Variants in SERGEF observed in about 807,000 individuals in gnomAD.
The protein encoded by SERGEF is secretion-regulating guanine nucleotide exchange factor.
Under a neutral mutation model 50.0 loss-of-function variants are expected in SERGEF, and 51 were observed. That is an observed-to-expected ratio of 1.02 (90% CI 0.81 to 1.29). The LOEUF (loss-of-function observed/expected upper bound fraction) is 1.29. SERGEF is among the 50% of genes most tolerant of loss of function. The probability of loss-of-function intolerance (pLI) is 0.00; values close to 1 mark genes in which losing one functional copy is unlikely to be tolerated. For synonymous variants in SERGEF, 205 were observed against 212.4 expected, an observed-to-expected ratio of 0.97 and a Z score of 0.30; for missense variants, 521 against 557.0, an observed-to-expected ratio of 0.94 and a Z score of 0.65.
chr11:17,814,657 A>G (rs1004017783), intron 10 of SERGEF, among the ~76,000 whole-genome samples: 5 of 152,220 alleles, frequency 3.3e-5, no homozygotes, highest in African/African-American at 4.8e-5. Flanking sequence ...TTGTTTGCAC[A>G]TGAGGAAACC....
chr11:17,907,687 C>G (rs1851875221), intron 9 of SERGEF, among the ~76,000 whole-genome samples: 1 of 152,170 alleles, frequency 6.6e-6, no homozygotes, highest in African/African-American at 2.4e-5. Flanking sequence ...ATCAAATTGT[C>G]ACTCAGGTTT....
intron 10 of SERGEF, among the ~76,000 whole-genome samples, chr11:17,800,060 A>G (rs1008059708): frequency 6.6e-6 from 1 of 152,202 alleles, no homozygotes; most frequent in Admixed American, 6.5e-5. Context: ...CTAAACAGTA[A>G]AATTTTATTA....
chr11:17,852,938 A>C (rs1850739990), intron 10 of SERGEF, among the ~76,000 whole-genome samples: 1 of 152,206 alleles, frequency 6.6e-6, no homozygotes. Flanking sequence ...GAGAACTATC[A>C]GAGAAAGAAC....
chr11:17,863,774 A>C (rs950380154), intron 10 of SERGEF: 3 of 152,278 alleles, frequency 2.0e-5, no homozygotes, highest in Non-Finnish European at 4.4e-5. Context: ...ATCATCAGAC[A>C]CTAGTAAGCT....
chr11:17,984,422 T>A (rs1427995602), intron 8 of SERGEF, among the ~76,000 whole-genome samples: 1 of 152,126 alleles, frequency 6.6e-6, no homozygotes, highest in Non-Finnish European at 1.5e-5. Flanking sequence ...CCAGATCTCA[T>A]GAGAACTCAC....
chr11:17,874,219 C>T (rs2133894851), intron 10 of SERGEF: 1 of 152,308 alleles, frequency 6.6e-6, no homozygotes, highest in African/African-American at 2.4e-5. Flanking sequence ...ACTTGACATA[C>T]CTATGCCATT....
chr11:17,918,625 G>C (rs922848674), intron 9 of SERGEF: 712 of 308,112 alleles, frequency 2.3e-3, no homozygotes, highest in East Asian at 5.3e-3. Flanking sequence ...AGCAGGAACA[G>C]ACACACACAC....
At chr11:17,797,003 G>A (rs10832860) in intron 10 of SERGEF, among the ~76,000 whole-genome samples, 63,013 of 151,976 alleles carry the variant, frequency 0.41, 14,361 homozygotes, top group East Asian at 0.72. Context: ...GGAGGCTGTG[G>A]CTGTCCACCA....
intron 9 of SERGEF, among the ~76,000 whole-genome samples, chr11:17,943,171 C>T (rs1158652940): frequency 6.6e-6 from 1 of 152,058 alleles, no homozygotes; most frequent in Non-Finnish European, 1.5e-5. Context: ...ACTTAAATAT[C>T]TGATAAAGTT....
intron 10 of SERGEF, among the ~76,000 whole-genome samples, chr11:17,868,270 C>T (rs1048144997): frequency 3.9e-5 from 6 of 152,136 alleles, no homozygotes; most frequent in African/African-American, 1.4e-4. Flanking sequence ...AAATTTCTTC[C>T]ACCACATACC....
intron 6 of SERGEF, among the ~76,000 whole-genome samples, chr11:17,994,666 C>T (rs536589357): frequency 6.6e-6 from 1 of 152,150 alleles, no homozygotes; most frequent in Non-Finnish European, 1.5e-5. Flanking sequence ...TTACATTATA[C>T]ATGTTTCTAA....
At chr11:17,799,506 C>T (rs1484577066) in intron 10 of SERGEF, among the ~76,000 whole-genome samples, 1 of 152,164 alleles carries the variant, frequency 6.6e-6, no homozygotes, top group African/African-American at 2.4e-5. Flanking sequence ...GAATGGATGC[C>T]ATTCTGGGAC....
chr11:18,004,102 C>T lies in SERGEF; in HGVS notation c.447+339G>A, dbSNP rs914193082. On this transcript the variant is annotated intron_variant, in intron 4 of 10. Coordinates refer to ENST00000265965, the MANE Select transcript of SERGEF (RefSeq NM_012139.4). ...ACCATTTGCCTAGCTTAGTGTCTTT[C>T]GACAAATCACTTCTATCTGGACCTA... Among the ~76,000 whole-genome samples the T allele has an allele frequency of 4.6e-5, 7 of 152,148 alleles. No homozygotes were observed. In the South Asian group the frequency reaches 6.2e-4, roughly 14 times the overall value.
intron 8 of SERGEF, among the ~76,000 whole-genome samples, chr11:17,976,464 T>C: frequency 6.7e-6 from 1 of 148,516 alleles, no homozygotes; most frequent in African/African-American, 2.5e-5. Context: ...TTCATTTTTT[T>C]TTTTTTTTTT....
At chr11:17,883,833 T>C (rs1447957408) in intron 9 of SERGEF, among the ~76,000 whole-genome samples, 1 of 152,128 alleles carries the variant, frequency 6.6e-6, no homozygotes, top group East Asian at 1.9e-4. Flanking sequence ...GGATATTTCT[T>C]AGGGGAACGG....
At chr11:17,872,681 A>G (rs545544498) in intron 10 of SERGEF, among the ~76,000 whole-genome samples, 19 of 152,240 alleles carry the variant, frequency 1.2e-4, no homozygotes, top group Non-Finnish European at 2.2e-4. Flanking sequence ...ACATACATAG[A>G]AGGTCATTCA....
intron 10 of SERGEF, among the ~76,000 whole-genome samples, chr11:17,876,298 G>A (rs963717590): frequency 2.0e-5 from 3 of 152,140 alleles, no homozygotes; most frequent in Non-Finnish European, 2.9e-5. Flanking sequence ...TCAAGTGCTC[G>A]CCAGCATGCC....
chr11:17,826,581 TA>T (rs1850200236), intron 10 of SERGEF, among the ~76,000 whole-genome samples: 1 of 152,098 alleles, frequency 6.6e-6, no homozygotes, highest in African/African-American at 2.4e-5. Context: ...TATGGGAGAA[TA>T]AAAATGTTCT....
chr11:17,983,612 A>C (rs1853534408), intron 8 of SERGEF, among the ~76,000 whole-genome samples: 1 of 152,178 alleles, frequency 6.6e-6, no homozygotes, highest in Non-Finnish European at 1.5e-5. Context: ...CATTTGTCCA[A>C]CATGTCTTAA....
Sources: gnomAD v4.1 joint callset for allele counts (sites outside exome capture counted in the v4.1 genomes callset) on GRCh38, gnomAD v4.1.1 for gene constraint, MANE v1.5 for transcripts, NCBI Gene and HGNC (gene_info 2026-07-23, HGNC 2026-07-21) for gene names.